DOCK2: variants seen among roughly 807,000 people sequenced by gnomAD.
The protein encoded by DOCK2 is dedicator of cytokinesis 2, also known as dedicator of cytokinesis protein 2.
A neutral mutation model predicts 248.9 loss-of-function variants in DOCK2; 87 were observed. That is an observed-to-expected ratio of 0.35 (90% CI 0.29 to 0.42). DOCK2 has a LOEUF of 0.42. Among genes scored for constraint, DOCK2 ranks in the 10% least tolerant of loss-of-function variants. The pLI, the probability that DOCK2 is intolerant of heterozygous loss-of-function variation, is 1.00. For missense variants in DOCK2, 1,747 were observed against 2,300.2 expected (o/e 0.76, Z 4.92); for synonymous variants, 805 against 821.6 (o/e 0.98, Z 0.35).
intron 27 of DOCK2, among the ~76,000 whole-genome samples, chr5:169,848,193 C>G (rs1770427294): frequency 6.6e-6 from 1 of 152,182 alleles, no homozygotes. Flanking sequence ...CTCAAAATGC[C>G]TACTGTGTAA....
At position 169,808,595 on chromosome 5, in the gene DOCK2, C is replaced by A. The variant is rs192533161; in HGVS notation, c.2703+5389C>A. ...CCTCTATTAACTCCTTTTCTCCCCC[C>A]TCACTGAGCAAGTTTAGTTGTCAAC... On this transcript the variant is annotated intron_variant, in intron 26 of 51. Coordinates refer to ENST00000520908, the MANE Select transcript of DOCK2 (RefSeq NM_004946.3). Among the ~76,000 whole-genome samples the A allele has an allele frequency of 4.3e-4, 65 of 152,038 alleles. 1 individual carries two copies. The highest frequency in any genetic ancestry group is 2.5e-3 in the East Asian group (13 of 5,156).
intron 27 of DOCK2, among the ~76,000 whole-genome samples, chr5:169,924,706 T>G (rs1300514782): frequency 6.6e-6 from 1 of 152,238 alleles, no homozygotes; most frequent in Non-Finnish European, 1.5e-5. Flanking sequence ...AGAGGCTTTT[T>G]TTGAAGGAGG....
intron 26 of DOCK2, among the ~76,000 whole-genome samples, chr5:169,824,452 C>T (rs186900859): frequency 9.8e-4 from 149 of 152,148 alleles, no homozygotes; most frequent in Middle Eastern, 3.4e-3. Flanking sequence ...AGAACAGAGC[C>T]CTCAGAAATA....
intron 44 of DOCK2, among the ~76,000 whole-genome samples, chr5:170,065,670 G>A (rs547812182): frequency 6.6e-6 from 1 of 152,352 alleles, no homozygotes; most frequent in South Asian, 2.1e-4. Context: ...GGCAAAGAGA[G>A]AGCTTGTGCA....
At chr5:169,827,537 A>G (rs1303470439) in intron 26 of DOCK2, among the ~76,000 whole-genome samples, 6 of 152,198 alleles carry the variant, frequency 3.9e-5, no homozygotes, top group African/African-American at 1.4e-4. Flanking sequence ...TTTCCTGCTC[A>G]CCAGCTTGTT....
chr5:169,850,942 G>A (rs759465146), intron 27 of DOCK2, among the ~76,000 whole-genome samples: 7 of 152,156 alleles, frequency 4.6e-5, no homozygotes, highest in East Asian at 1.9e-4. Flanking sequence ...CGAAACTCTC[G>A]TCATTCTGCT....
At chr5:170,072,878 T>C (rs1339184108) in intron 46 of DOCK2, among the ~76,000 whole-genome samples, 1 of 152,220 alleles carries the variant, frequency 6.6e-6, no homozygotes, top group Non-Finnish European at 1.5e-5. Flanking sequence ...CTCTTTATTA[T>C]TGATTTATAG....
At chr5:169,908,899 G>A (rs1217353312) in intron 27 of DOCK2, among the ~76,000 whole-genome samples, 2 of 151,902 alleles carry the variant, frequency 1.3e-5, no homozygotes. Context: ...AAACAACCCT[G>A]AGGCATTAGC....
At chr5:169,690,961 T>A (rs1452397972) in intron 9 of DOCK2, among the ~76,000 whole-genome samples, 5 of 152,218 alleles carry the variant, frequency 3.3e-5, no homozygotes. Flanking sequence ...TAGTTCATTC[T>A]TGCATGGCTA....
chr5:170,031,852 G>T (rs1358433824), intron 34 of DOCK2, among the ~76,000 whole-genome samples: 2 of 152,136 alleles, frequency 1.3e-5, no homozygotes, highest in African/African-American at 4.8e-5. Context: ...TCTAAACCCT[G>T]GTTTCTCCAA....
intron 26 of DOCK2, among the ~76,000 whole-genome samples, chr5:169,820,525 C>T (rs977777298): frequency 3.3e-5 from 5 of 152,174 alleles, no homozygotes; most frequent in African/African-American, 9.7e-5. Context: ...GAGTGGACCT[C>T]CAGCAAACTC....
intron 27 of DOCK2, among the ~76,000 whole-genome samples, chr5:169,978,542 G>A (rs1007638800): frequency 4.6e-5 from 7 of 151,964 alleles, no homozygotes; most frequent in African/African-American, 1.5e-4. Flanking sequence ...AATGATTTGG[G>A]GAGTGCTAAT....
At chr5:169,639,456 TTCTG>T (rs1452230474) in intron 1 of DOCK2, among the ~76,000 whole-genome samples, 1 of 152,222 alleles carries the variant, frequency 6.6e-6, no homozygotes, top group Non-Finnish European at 1.5e-5. Context: ...GCAAGTTTAT[TTCTG>T]TCTCTCATGG....
In DOCK2 at chr5:170,079,057, G is replaced by A. The variant is rs1448340076; in HGVS notation, c.5077G>A (p.Val1693Ile). 2 of 1,614,166 alleles carry A rather than the reference G, an allele frequency of 1.2e-6. No homozygotes were observed. Among genetic ancestry groups the A allele is most frequent in the South Asian group, 1.1e-5 (1 of 91,076 alleles). ...CTCCCCGGGGAGCACCCTGCCTGAG[G>A]TCAAGCTGCGGAGGTCCAAGAAGAG... The part of the protein sequence containing the change: ...PISPGSTLPE[V>I]KLRRSKKRTK... The change falls in exon 49 of 52, where the codon GTC becomes ATC. Residue 1693 changes from valine (V) to isoleucine (I), a missense_variant. Physicochemically the swap from Val to Ile is conservative, Grantham distance 29 (BLOSUM62 3). Around this residue, in one of 4 missense-constraint regions of DOCK2, gnomAD observed 513 missense variants for 586.1 expected, o/e 0.88. Coordinates refer to ENST00000520908, the MANE Select transcript of DOCK2 (RefSeq NM_004946.3).
At chr5:169,837,496 G>A (rs909332421) in intron 26 of DOCK2, among the ~76,000 whole-genome samples, 7 of 152,076 alleles carry the variant, frequency 4.6e-5, no homozygotes, top group Admixed American at 6.6e-5. Context: ...TTTCTGCTAC[G>A]TGCTGGCAAT....
At chr5:169,668,928 A>C (rs1286682837) in intron 2 of DOCK2, among the ~76,000 whole-genome samples, 1 of 152,184 alleles carries the variant, frequency 6.6e-6, no homozygotes, top group Non-Finnish European at 1.5e-5. Flanking sequence ...AAGGCAATGG[A>C]CACAAGGGAG....
chr5:170,060,750 G>A (rs1191402745), intron 44 of DOCK2, among the ~76,000 whole-genome samples: 1 of 152,130 alleles, frequency 6.6e-6, no homozygotes, highest in Non-Finnish European at 1.5e-5. Context: ...TGAAATGCTG[G>A]GGTGGGCGTG....
intron 27 of DOCK2, chr5:169,883,407 G>A: frequency 6.4e-7 from 1 of 1,551,680 alleles, no homozygotes; most frequent in Non-Finnish European, 8.7e-7. Context: ...GGGACACCTT[G>A]ACCCTTCGAG....
At chr5:169,978,405 G>GGGGGGGT (rs1777809622) in intron 27 of DOCK2, among the ~76,000 whole-genome samples, 1 of 95,016 alleles carries the variant, frequency 1.1e-5, no homozygotes, top group Non-Finnish European at 2.2e-5. Flanking sequence ...GGGGGGGGGG[G>GGGGGGGT]TGTAGGTGTG....
Sources: allele counts gnomAD v4.1 joint callset (sites outside exome capture counted in the v4.1 genomes callset), GRCh38; gene constraint gnomAD v4.1.1; regional missense constraint gnomAD v4.1.1; transcripts MANE v1.5; gene names NCBI Gene and HGNC (gene_info 2026-07-23, HGNC 2026-07-21).